OTUB2: variants seen among roughly 807,000 people sequenced by gnomAD.
OTUB2 encodes the protein OTU deubiquitinase, ubiquitin aldehyde binding 2, also known as ubiquitin thioesterase OTUB2.
In OTUB2, 21 loss-of-function variants were observed where a neutral mutation model predicts 25.1. The ratio of observed to expected loss-of-function variants is 0.84; its 90% confidence interval spans 0.59 to 1.21. The LOEUF is 1.21. Among genes scored for constraint, OTUB2 ranks in the 50% most tolerant of loss-of-function variants. The pLI, the probability that OTUB2 is intolerant of heterozygous loss-of-function variation, is 0.00. For missense variants in OTUB2, 283 were observed against 298.0 expected (o/e 0.95, Z 0.37); for synonymous variants, 122 against 122.8 (o/e 0.99, Z 0.04).
intron 1 of OTUB2, among the ~76,000 whole-genome samples, chr14:94,032,089 G>C (rs1304393437): frequency 6.6e-6 from 1 of 152,202 alleles, no homozygotes; most frequent in Non-Finnish European, 1.5e-5. Context: ...CCCTGCTAGT[G>C]GGGAGTGGCA....
intron 2 of OTUB2, 49 bp downstream of exon 2, chr14:94,037,524 G>C: frequency 7.1e-7 from 1 of 1,399,028 alleles, no homozygotes; most frequent in South Asian, 1.2e-5. Context: ...ACAGGCTGGA[G>C]TTGGGAGTGT....
chr14:94,030,819 AG>A (rs140829354), intron 1 of OTUB2, among the ~76,000 whole-genome samples: 8 of 148,836 alleles, frequency 5.4e-5, no homozygotes, highest in African/African-American at 1.5e-4. Flanking sequence ...AGTGATGGGG[AG>A]GGTGGGGGCC....
chr14:94,045,348 A>G (rs1285625299), intron 5 of OTUB2, among the ~76,000 whole-genome samples: 1 of 152,134 alleles, frequency 6.6e-6, no homozygotes, highest in Non-Finnish European at 1.5e-5. Flanking sequence ...TAAGCTTGAA[A>G]GGCACCCCTG....
rs5810655 is a variant in OTUB2, at chr14:94,039,613, G to GAA, written c.218+541_218+542dup. On this transcript the variant is annotated intron_variant, in intron 3 of 5. Transcript: ENST00000203664. ...CGCCTGGTTCTCTAGTCCATAGCAAGAAAAAAAAAAGCAAAGACAAACAAA... is the reference window on the plus strand; with the variant it reads ...CGCCTGGTTCTCTAGTCCATAGCAAGAAAAAAAAAAAAGCAAAGACAAACAAA... 1.7e-3 allele frequency among the ~76,000 whole-genome samples: 255 copies of GAA among 148,876 alleles called. 1 individual carries two copies. Among genetic ancestry groups the GAA allele is most frequent in the African/African-American group, 5.3e-3 (217 of 40,578 alleles).
intron 1 of OTUB2, among the ~76,000 whole-genome samples, chr14:94,027,516 T>TC (rs1325868735): frequency 6.6e-6 from 1 of 152,226 alleles, no homozygotes; most frequent in African/African-American, 2.4e-5. Context: ...TGGTCCGCTC[T>TC]CCCCCTCAGC....
intron 3 of OTUB2, among the ~76,000 whole-genome samples, chr14:94,042,512 A>T (rs1885183254): frequency 6.6e-6 from 1 of 152,004 alleles, no homozygotes; most frequent in South Asian, 2.1e-4. Flanking sequence ...GGGGCAGGAG[A>T]GCTGGGAGCA....
At chr14:94,031,922 C>A (rs545487713) in intron 1 of OTUB2, among the ~76,000 whole-genome samples, 172 of 152,328 alleles carry the variant, frequency 1.1e-3, no homozygotes, top group African/African-American at 4.1e-3. Context: ...TTCTCCATAA[C>A]ATCCTAGAAA....
chr14:94,031,020 G>A (rs1884952384), intron 1 of OTUB2, among the ~76,000 whole-genome samples: 1 of 152,162 alleles, frequency 6.6e-6, no homozygotes, highest in Admixed American at 6.5e-5. Flanking sequence ...CTAAGTTTGT[G>A]CTCCTTTGTT....
chr14:94,039,704 T>C (rs1444972186), intron 3 of OTUB2, among the ~76,000 whole-genome samples: 3 of 152,154 alleles, frequency 2.0e-5, no homozygotes, highest in African/African-American at 7.2e-5. Context: ...GGGACTGCTT[T>C]TGTCACTGGC....
chr14:94,029,833 C>A (rs759146596), intron 1 of OTUB2, among the ~76,000 whole-genome samples: 6 of 152,020 alleles, frequency 3.9e-5, no homozygotes, highest in African/African-American at 7.3e-5. Context: ...GGGCAGCATG[C>A]GGGTAAACAG....
In OTUB2 at chr14:94,044,720, A is replaced by G. The variant is rs544029681; in HGVS notation, c.438A>G (p.Arg146=). 1.2e-6 allele frequency: 2 copies of G among 1,613,972 alleles called. No individual in the cohort carries two copies. The highest frequency in any genetic ancestry group is 2.2e-5 in the East Asian group (1 of 44,876). ...RLLTSAFIRN[R]ADFFRHFIDE... Reference sequence around the variant, plus strand: ...TCACGTCGGCCTTCATCAGGAACCGAGCAGACTTCTTCCGGCACTTCATTG... The same window carrying G: ...TCACGTCGGCCTTCATCAGGAACCGGGCAGACTTCTTCCGGCACTTCATTG... Residue 146 remains arginine, a synonymous_variant, in exon 5 of 6, where the codon CGA becomes CGG. Transcript: ENST00000203664.
chr14:94,042,906 G>A (rs1885190784), intron 3 of OTUB2, among the ~76,000 whole-genome samples: 1 of 152,220 alleles, frequency 6.6e-6, no homozygotes, highest in South Asian at 2.1e-4. Flanking sequence ...ACTTGACAGG[G>A]CTGGAGGGGA....
Position 94,046,439 on chromosome 14 carries a change from A to G in OTUB2, c.*517A>G, listed in dbSNP as rs3827900. 77,156 of 157,932 alleles carry G rather than the reference A, an allele frequency of 0.49. 19,795 individuals carry two copies. Among genetic ancestry groups the G allele is most frequent in the African/African-American group, 0.65 (27,012 of 41,490 alleles). 9.8% of individuals were successfully genotyped at this position (157,932 alleles called of 1,614,324 possible). On this transcript the variant is annotated 3_prime_UTR_variant, in exon 6 of 6. Coordinates refer to ENST00000203664, the MANE Select transcript of OTUB2 (RefSeq NM_023112.4). ...TGAGGTCAACTTGAATGTGAGGGCT[A>G]CGGTGTGGTTTCAAACATTCATGAT...
intron 3 of OTUB2, among the ~76,000 whole-genome samples, chr14:94,041,931 AC>A (rs11346891): frequency 0.48 from 72,473 of 151,994 alleles, 17,737 homozygotes; most frequent in African/African-American, 0.59. Flanking sequence ...TGGAACACTG[AC>A]CTGGGGTGTT....
At chr14:94,029,826 C>A (rs530141477) in intron 1 of OTUB2, among the ~76,000 whole-genome samples, 1 of 152,248 alleles carries the variant, frequency 6.6e-6, no homozygotes, top group African/African-American at 2.4e-5. Flanking sequence ...GGGAGCCGGG[C>A]AGCATGCGGG....
chr14:94,032,621 A>C (rs1884984052), intron 1 of OTUB2, among the ~76,000 whole-genome samples: 1 of 152,144 alleles, frequency 6.6e-6, no homozygotes, highest in African/African-American at 2.4e-5. Flanking sequence ...CGAGGGTTGC[A>C]CTGTTGTGTG....
intron 1 of OTUB2, among the ~76,000 whole-genome samples, 158 bp downstream of exon 1, chr14:94,026,698 G>A (rs1425074855): frequency 2.6e-5 from 4 of 152,040 alleles, no homozygotes. Context: ...TACGGAGTCC[G>A]GACGGATACT....
intron 1 of OTUB2, among the ~76,000 whole-genome samples, chr14:94,028,470 G>A (rs1884903840): frequency 1.3e-5 from 2 of 152,234 alleles, no homozygotes; most frequent in Admixed American, 1.3e-4. Flanking sequence ...CACTTGGGAA[G>A]GTAGGGGTGA....
rs1885325491 is a variant in OTUB2 at position 94,048,601 on chromosome 14, T to TA, written c.*2680dup. On this transcript the variant is annotated 3_prime_UTR_variant, in exon 6 of 6. Coordinates refer to ENST00000203664, the MANE Select transcript of OTUB2 (RefSeq NM_023112.4). ...AGATTCCTTGTGTGAAAATAGCTAT[T>TA]ATACCTGACACACTCATCGTATGGG... 3 of 152,218 alleles carry TA rather than the reference T, an allele frequency of 2.0e-5. No individual in the cohort carries two copies. Among genetic ancestry groups the TA allele is most frequent in the Admixed American group, 2.0e-4 (3 of 15,288 alleles). The allele number at this position is 152,218 out of a possible 1,614,324, so 9.4% of individuals were successfully genotyped here. A position where few individuals can be genotyped will look rare whatever the true frequency, so the allele number is the denominator to read the frequency against.
Sources: gnomAD v4.1 joint callset for allele counts (sites outside exome capture counted in the v4.1 genomes callset) on GRCh38, gnomAD v4.1.1 for gene constraint, MANE v1.5 for transcripts, NCBI Gene and HGNC (gene_info 2026-07-23, HGNC 2026-07-21) for gene names.